Variants in ATP2C1 observed in about 807,000 individuals in gnomAD.
The protein encoded by ATP2C1 is calcium-transporting ATPase type 2C member 1.
Under a neutral mutation model 120.5 loss-of-function variants are expected in ATP2C1, and 31 were observed. That is an observed-to-expected ratio of 0.26 (90% confidence interval 0.19 to 0.35). The LOEUF (loss-of-function observed/expected upper bound fraction) is 0.35. Ranked by LOEUF, ATP2C1 falls within the 10% of genes least tolerant of loss-of-function variation. The pLI is 1.00. For missense variants in ATP2C1, 731 were observed against 1,107.5 expected, an observed-to-expected ratio of 0.66 and a Z score of 4.83; for synonymous variants, 351 against 358.7, an observed-to-expected ratio of 0.98 and a Z score of 0.24.
At chr3:130,993,040 C>G in intron 21 of ATP2C1, 39 bp downstream of exon 21, 4 of 1,533,952 alleles carry the variant, frequency 2.6e-6, no homozygotes, top group Non-Finnish European at 3.6e-6. Flanking sequence ...TTTCTGTATA[C>G]AAAATGCTGC....
At chr3:130,973,624 C>T (rs1267250816) in intron 17 of ATP2C1, among the ~76,000 whole-genome samples, 1 of 152,070 alleles carries the variant, frequency 6.6e-6, no homozygotes, top group Non-Finnish European at 1.5e-5. Context: ...CATCACCATA[C>T]TCAGAATGTT....
chr3:130,913,240 G>A lies in ATP2C1; in HGVS notation c.7-17176G>A, dbSNP rs2058525387. ...GTGCACATGTACCCTAAAACTTAAAGTATAATAAAAAATAAATAAATTTAA... is the reference window on the plus strand; with the variant it reads ...GTGCACATGTACCCTAAAACTTAAAATATAATAAAAAATAAATAAATTTAA... On this transcript the variant is annotated intron_variant, in intron 2 of 27. Transcript: ENST00000510168. Among the ~76,000 whole-genome samples the A allele has an allele frequency of 2.0e-5, 3 of 150,034 alleles. No homozygotes were observed. In the South Asian group the frequency reaches 6.3e-4, roughly 32 times the overall value.
In ATP2C1 at chr3:130,995,212, G is replaced by A. The variant is rs985828847; in HGVS notation, c.2058-831G>A. Among the ~76,000 whole-genome samples, 4 of 152,062 alleles carry A rather than the reference G, an allele frequency of 2.6e-5. No homozygotes were observed. The South Asian group carries it at 6.2e-4, about 24-fold the overall frequency. On this transcript the variant is annotated intron_variant, in intron 22 of 27. Coordinates refer to ENST00000510168, the MANE Select transcript of ATP2C1 (RefSeq NM_001378687.1). ...ATGGATCACTTGAGCCCAGGAGTTC[G>A]AAACCAGCCTAGGCAACATGTCAAA... is the stretch of plus-strand genomic sequence containing the variant.
chr3:130,881,809 T>C (rs1035442922), intron 1 of ATP2C1, among the ~76,000 whole-genome samples: 2 of 152,214 alleles, frequency 1.3e-5, no homozygotes, highest in Non-Finnish European at 2.9e-5. Flanking sequence ...TTTAATTTTA[T>C]TTGTGGCTAT....
chr3:131,015,231 C>T (rs1577093377), intron 26 of ATP2C1: 2 of 702,268 alleles, frequency 2.8e-6, no homozygotes, highest in East Asian at 5.4e-5. Context: ...CATATATCCT[C>T]ATTCAAAGTA....
chr3:131,016,214 A>C (rs979366704), exon 27 of ATP2C1: 2 of 1,614,148 alleles, frequency 1.2e-6, no homozygotes, highest in Non-Finnish European at 1.7e-6. Context: ...TGGAGACAGG[A>C]CTGCCACTGA....
chr3:131,010,338 C>T (rs1430220983), intron 26 of ATP2C1, among the ~76,000 whole-genome samples: 1 of 151,604 alleles, frequency 6.6e-6, no homozygotes, highest in East Asian at 1.9e-4. Flanking sequence ...CTACAGGTGC[C>T]CGCCACCACA....
At position 130,907,740 on chromosome 3, in the gene ATP2C1, T is replaced by TC. The variant is rs1397725793; in HGVS notation, c.6+12965_6+12966insC. On this transcript the variant is annotated intron_variant, in intron 2 of 27. Coordinates refer to ENST00000510168, the MANE Select transcript of ATP2C1 (RefSeq NM_001378687.1). ...ACAGTGTCTGCCTTTCTTTTTTTTT[T>TC]TTTTCAGATTGTTTTGTCTATTCTG... is the stretch of plus-strand genomic sequence containing the variant. Among the ~76,000 whole-genome samples, 8 of 152,024 alleles carry TC rather than the reference T, an allele frequency of 5.3e-5. No homozygotes were observed. In the East Asian group the frequency reaches 1.5e-3, roughly 29 times the overall value.
Position 130,932,004 on chromosome 3 carries a change from A to T in ATP2C1, c.118-18A>T, listed in dbSNP as rs769782066. ...TGTGCTAACATTTTCAATAACTTTC[A>T]TGTATAAACTCTAATAGGCTGATCT... On this transcript the variant is annotated intron_variant, in intron 3 of 27. Coordinates refer to ENST00000510168, the MANE Select transcript of ATP2C1 (RefSeq NM_001378687.1). 6.8e-7 allele frequency: 1 copy of T among 1,467,434 alleles called. No homozygotes were observed. The highest frequency in any genetic ancestry group is 2.3e-5 in the East Asian group (1 of 44,130). The allele number at this position is 1,467,434 out of a possible 1,614,324, so 90.9% of individuals were successfully genotyped here. A position where few individuals can be genotyped will look rare whatever the true frequency, so the allele number is the denominator to read the frequency against.
Position 130,979,327 on chromosome 3 carries a change from C to A in ATP2C1, c.1649C>A (p.Thr550Asn). Reference protein sequence around the residue: ...GLVGIIDPPRTGVKEAVTTLI... With the variant: ...GLVGIIDPPRNGVKEAVTTLI... ...GTGGGAATCATTGATCCACCTAGAA[C>A]TGGTGTGAAAGAAGCTGTTACAACA... is the stretch of plus-strand genomic sequence containing the variant. Residue 550 changes from threonine to asparagine, a missense_variant, in exon 19 of 28, where the codon ACT (threonine) becomes AAT (asparagine). Thr to Asn is a moderately conservative substitution (Grantham distance 65). This residue lies in a region of ATP2C1 where 571 missense variants were observed against 845.9 expected (regional missense o/e 0.67). Coordinates refer to ENST00000510168, the MANE Select transcript of ATP2C1 (RefSeq NM_001378687.1). 6.2e-7 allele frequency: 1 copy of A among 1,613,670 alleles called. No homozygotes were observed. The highest frequency in any genetic ancestry group is 8.5e-7 in the Non-Finnish European group (1 of 1,179,766).
chr3:130,964,236 C>A, intron 13 of ATP2C1, 141 bp downstream of exon 13: 5 of 1,262,704 alleles, frequency 4.0e-6, no homozygotes, highest in South Asian at 3.8e-5. Context: ...ATGGTTTTAA[C>A]AACCAAAAAA....
At chr3:130,990,879 A>G (rs2062302026) in intron 20 of ATP2C1, among the ~76,000 whole-genome samples, 1 of 152,186 alleles carries the variant, frequency 6.6e-6, no homozygotes, top group Admixed American at 6.5e-5. Flanking sequence ...CAGCAACTGC[A>G]CATATGTACT....
intron 2 of ATP2C1, among the ~76,000 whole-genome samples, chr3:130,917,880 G>A (rs1176189352): frequency 2.0e-5 from 3 of 151,968 alleles, no homozygotes; most frequent in African/African-American, 7.3e-5. Flanking sequence ...TTTAGATAGT[G>A]GAGTTATGCA....
intron 23 of ATP2C1, chr3:130,996,332 A>C: frequency 1.7e-6 from 1 of 589,606 alleles, no homozygotes; most frequent in South Asian, 2.1e-5. Context: ...AAAATGTATA[A>C]ATCTTTGTGA....
chr3:130,905,989 C>T lies in ATP2C1; in HGVS notation c.6+11214C>T, dbSNP rs192112650. The stretch of plus-strand genomic sequence containing the variant: ...TTTGTTCTGTATGCACAGTTTTAGA[C>T]CCGGAGCCACCTACAGTATGAATAC... On this transcript the variant is annotated intron_variant, in intron 2 of 27. Coordinates refer to ENST00000510168, the MANE Select transcript of ATP2C1 (RefSeq NM_001378687.1). Among the ~76,000 whole-genome samples, 12 of 152,152 alleles carry T rather than the reference C, an allele frequency of 7.9e-5. No individual in the cohort carries two copies. The South Asian group carries it at 1.9e-3, about 24-fold the overall frequency.
upstream of ATP2C1, among the ~76,000 whole-genome samples, chr3:130,893,624 G>A (rs939195602): frequency 6.6e-6 from 1 of 152,204 alleles, no homozygotes; most frequent in Non-Finnish European, 1.5e-5. Context: ...ACCCCGACGG[G>A]AGCAGCTTCC....
At chr3:130,986,184 C>CTTTTT (rs34877609) in intron 20 of ATP2C1, among the ~76,000 whole-genome samples, 1 of 135,156 alleles carries the variant, frequency 7.4e-6, no homozygotes, top group South Asian at 2.4e-4. Context: ...TTGAATAGGG[C>CTTTTT]TTTTTTTTTT....
intron 11 of ATP2C1, among the ~76,000 whole-genome samples, chr3:130,956,625 T>A (rs1011414619): frequency 1.3e-5 from 2 of 151,982 alleles, no homozygotes; most frequent in Admixed American, 6.6e-5. Flanking sequence ...TATAAATACT[T>A]CTTTAGTGTG....
At chr3:130,976,641 A>G (rs2061539149) in intron 18 of ATP2C1, among the ~76,000 whole-genome samples, 1 of 152,112 alleles carries the variant, frequency 6.6e-6, no homozygotes, top group Non-Finnish European at 1.5e-5. Context: ...GACAGGTTCT[A>G]GAGTTTCTGG....
Sources: allele counts gnomAD v4.1 joint callset (sites outside exome capture counted in the v4.1 genomes callset), GRCh38; gene constraint gnomAD v4.1.1; regional missense constraint gnomAD v4.1.1; transcripts MANE v1.5; gene names NCBI Gene and HGNC (gene_info 2026-07-23, HGNC 2026-07-21).